DDC: variants seen among roughly 807,000 people sequenced by gnomAD.
DDC encodes aromatic-L-amino-acid decarboxylase.
Under a neutral mutation model 60.0 loss-of-function variants are expected in DDC, and 43 were observed. The ratio of observed to expected loss-of-function variants is 0.72; its 90% CI spans 0.56 to 0.92. DDC has a LOEUF of 0.92. DDC is among the 40% of genes least tolerant of loss of function. The probability of loss-of-function intolerance (pLI) is 0.00; values close to 1 mark genes in which losing one functional copy is unlikely to be tolerated. For synonymous variants in DDC, 232 were observed against 234.6 expected, an observed-to-expected ratio of 0.99 and a Z score of 0.10; for missense variants, 573 against 620.2, an observed-to-expected ratio of 0.92 and a Z score of 0.81.
intron 14 of DDC, among the ~76,000 whole-genome samples, chr7:50,460,409 G>A (rs554304255): frequency 6.8e-6 from 1 of 147,638 alleles, no homozygotes; most frequent in Non-Finnish European, 1.5e-5. Context: ...GGAGGAAGGT[G>A]GGGGGGTCAG....
chr7:50,463,050 G>C (rs1032537055), intron 14 of DDC, among the ~76,000 whole-genome samples, 163 bp downstream of exon 14: 2 of 152,188 alleles, frequency 1.3e-5, no homozygotes, highest in Non-Finnish European at 2.9e-5. Flanking sequence ...TTACAGGCGT[G>C]AGCCACCGCA....
At chr7:50,510,722 C>T (rs1359092383) in intron 6 of DDC, among the ~76,000 whole-genome samples, 1 of 150,576 alleles carries the variant, frequency 6.6e-6, no homozygotes, top group Non-Finnish European at 1.5e-5. Flanking sequence ...TGGCTCACGC[C>T]TGTAATCACA....
chr7:50,476,550 G>T, intron 11 of DDC, 74 bp downstream of exon 11: 2 of 1,303,024 alleles, frequency 1.5e-6, no homozygotes, highest in Non-Finnish European at 2.2e-6. Flanking sequence ...TGGGGGAGGA[G>T]ATGTGTGACA....
chr7:50,524,425 T>C (rs762720854), intron 6 of DDC, among the ~76,000 whole-genome samples: 2 of 152,198 alleles, frequency 1.3e-5, no homozygotes, highest in African/African-American at 2.4e-5. Context: ...TTCCTACTTA[T>C]TTTTCTGTAA....
chr7:50,544,264 T>C (rs2044732198), intron 1 of DDC, 151 bp from the exon 2 acceptor site: 1 of 675,576 alleles, frequency 1.5e-6, no homozygotes, highest in Non-Finnish European at 2.7e-6. Context: ...TTTCCCTCCA[T>C]GTCTGTAGGA....
chr7:50,535,322 T>C (rs1254658773), intron 4 of DDC, among the ~76,000 whole-genome samples: 10 of 152,142 alleles, frequency 6.6e-5, no homozygotes, highest in African/African-American at 2.4e-4. Flanking sequence ...AATTTTTGTA[T>C]TTTTAGTAGA....
chr7:50,466,891 A>G (rs1376556705), intron 13 of DDC, among the ~76,000 whole-genome samples: 1 of 152,240 alleles, frequency 6.6e-6, no homozygotes, highest in Non-Finnish European at 1.5e-5. Context: ...GAGGCTATGG[A>G]CAGGCCGCTG....
chr7:50,560,253 G>T (rs188566655), intron 1 of DDC, among the ~76,000 whole-genome samples: 7 of 152,234 alleles, frequency 4.6e-5, no homozygotes, highest in Admixed American at 3.9e-4. Flanking sequence ...AGAAATTTTC[G>T]CAAGGAGCCT....
chr7:50,488,145 TA>T (rs2042924798), intron 9 of DDC, among the ~76,000 whole-genome samples: 1 of 151,988 alleles, frequency 6.6e-6, no homozygotes, highest in African/African-American at 2.4e-5. Flanking sequence ...ATAAGTAATC[TA>T]TTAAAAAATT....
intron 3 of DDC, among the ~76,000 whole-genome samples, chr7:50,539,556 C>T (rs948799400): frequency 2.6e-5 from 4 of 152,112 alleles, no homozygotes; most frequent in Admixed American, 6.5e-5. Context: ...GGGGCAGTCG[C>T]GGTTCTCAAG....
At chr7:50,508,077 A>G (rs1487123337) in intron 6 of DDC, among the ~76,000 whole-genome samples, 2 of 152,196 alleles carry the variant, frequency 1.3e-5, no homozygotes, top group Non-Finnish European at 1.5e-5. Context: ...CGAGCTCAGC[A>G]CCTGGGCCAT....
chr7:50,460,876 C>T (rs2042257943), intron 14 of DDC, among the ~76,000 whole-genome samples: 1 of 151,408 alleles, frequency 6.6e-6, no homozygotes, highest in African/African-American at 2.4e-5. Context: ...GTCATCACCA[C>T]TCCCTAATCT....
intron 6 of DDC, among the ~76,000 whole-genome samples, chr7:50,521,515 C>A (rs1030918672): frequency 6.6e-6 from 1 of 151,990 alleles, no homozygotes; most frequent in East Asian, 1.9e-4. Flanking sequence ...AAATTCTCAA[C>A]AAAATATTAG....
chr7:50,486,201 A>G (rs981257258), intron 9 of DDC, among the ~76,000 whole-genome samples: 2 of 152,216 alleles, frequency 1.3e-5, no homozygotes, highest in African/African-American at 2.4e-5. Flanking sequence ...TATATCCATA[A>G]GAAGTGATCC....
intron 6 of DDC, among the ~76,000 whole-genome samples, chr7:50,507,413 G>T (rs981959894): frequency 1.3e-5 from 2 of 152,106 alleles, no homozygotes; most frequent in Non-Finnish European, 2.9e-5. Flanking sequence ...TGTATTTTTA[G>T]TAGAGACGGG....
intron 2 of DDC, among the ~76,000 whole-genome samples, chr7:50,541,058 C>T (rs958226409): frequency 6.6e-6 from 1 of 152,248 alleles, no homozygotes; most frequent in Non-Finnish European, 1.5e-5. Flanking sequence ...TCAGGACAAC[C>T]CTCAGCCCCT....
intron 1 of DDC, among the ~76,000 whole-genome samples, chr7:50,554,381 C>T (rs1219011682): frequency 6.6e-6 from 1 of 151,844 alleles, no homozygotes; most frequent in Non-Finnish European, 1.5e-5. Flanking sequence ...CCTGAAACTG[C>T]CGTGAAAGTC....
Position 50,537,976 on chromosome 7 carries a change from C to T in DDC, c.319G>A (p.Ala107Thr). The change falls in exon 4 of 15, where the codon GCA becomes ACA. Residue 107 changes from alanine (A) to threonine (T), a missense_variant. Transcript: ENST00000444124. ...TCCAGCTCTGTGCATGCTGGGCTTG[C>T]CGCCTGTCGTGGGGGAAGGGAAGGG... ...AIGCIGFSWAASPACTELETV... is the reference protein window; with the variant it reads ...AIGCIGFSWATSPACTELETV... 2 of 1,614,172 alleles carry T rather than the reference C, an allele frequency of 1.2e-6. No individual in the cohort carries two copies. Among genetic ancestry groups the T allele is most frequent in the Non-Finnish European group, 1.7e-6 (2 of 1,180,032 alleles).
intron 9 of DDC, among the ~76,000 whole-genome samples, chr7:50,486,324 G>A (rs1451146257): frequency 6.6e-6 from 1 of 152,202 alleles, no homozygotes; most frequent in Non-Finnish European, 1.5e-5. Context: ...AGGCCACTGT[G>A]TCAGCAAGGC....
Sources: gnomAD v4.1 joint callset for allele counts (sites outside exome capture counted in the v4.1 genomes callset) on GRCh38, gnomAD v4.1.1 for gene constraint, MANE v1.5 for transcripts, NCBI Gene and HGNC (gene_info 2026-07-23, HGNC 2026-07-21) for gene names.